Variants in MFRP observed in about 807,000 individuals in gnomAD.
MFRP encodes the protein membrane frizzled-related protein, also known as C1q and TNF related 5.
In MFRP, 74 loss-of-function variants were observed where a neutral mutation model predicts 65.8. That is an observed-to-expected ratio of 1.12 (90% CI 0.93 to 1.36). The LOEUF (loss-of-function observed/expected upper bound fraction) is 1.36, where lower values mean the gene tolerates loss of function less well. Among genes scored for constraint, MFRP ranks in the 40% most tolerant of loss-of-function variants. The pLI is 0.00. For missense variants in MFRP, 838 were observed against 736.0 expected (o/e 1.14, Z -1.60); for synonymous variants, 336 against 288.3 (o/e 1.17, Z -1.68).
chr11:119,345,512 C>A lies in MFRP; in HGVS notation c.549G>T (p.Gln183His). The A allele has an allele frequency of 2.5e-6, 4 of 1,614,104 alleles. No homozygotes were observed. The highest frequency in any genetic ancestry group is 3.4e-6 in the Non-Finnish European group (4 of 1,180,034). The part of the protein sequence containing the change: ...HIQVATDHAI[Q>H]LKIEALSIES... ...CTATGCTGAGGGCTTCGATCTTGAG[C>A]TGTATTGCATGGTCTGTGGCCACCT... The change falls in exon 5 of 15, where the codon CAG (glutamine) becomes CAT (histidine). Residue 183 changes from glutamine (Q) to histidine (H), a missense_variant. Transcript: ENST00000619721.
In MFRP at chr11:119,341,468, T is replaced by G. The variant is rs1950501589; in HGVS notation, c.*80A>C. On this transcript the variant is annotated 3_prime_UTR_variant, in exon 13 of 15. Transcript: ENST00000619721. Reference sequence around the variant, plus strand: ...GGATGGGTAGAGACCCTGCTGATGCTCCTTCCTTTGTTCCCCTGCGTGCCA... The same window carrying G: ...GGATGGGTAGAGACCCTGCTGATGCGCCTTCCTTTGTTCCCCTGCGTGCCA... 8.1e-7 allele frequency: 1 copy of G among 1,234,142 alleles called. No individual in the cohort carries two copies. 76.4% of individuals were successfully genotyped at this position (1,234,142 alleles called of 1,614,324 possible). A position where few individuals can be genotyped will look rare whatever the true frequency, so the allele number is the denominator to read the frequency against.
intron 9 of MFRP, 65 bp downstream of exon 9, chr11:119,343,751 A>G (rs1479180740): frequency 1.9e-6 from 3 of 1,600,528 alleles, no homozygotes; most frequent in East Asian, 4.5e-5. Context: ...CTGGGCCGAC[A>G]TGGAAGCCGG....
intron 5 of MFRP, 123 bp from the exon 6 acceptor site, chr11:119,345,127 G>A: frequency 1.5e-6 from 2 of 1,321,842 alleles, no homozygotes; most frequent in Non-Finnish European, 2.1e-6. Context: ...TGGTCAAAAA[G>A]GCTCCTCTGA....
intron 4 of MFRP, 25 bp from the exon 5 acceptor site, chr11:119,345,658 A>G: frequency 6.2e-7 from 1 of 1,613,126 alleles, no homozygotes; most frequent in African/African-American, 1.3e-5. Flanking sequence ...GTTAGAGTTC[A>G]GAGGTCAAAA....
In MFRP at chr11:119,341,295, G is replaced by T; in HGVS notation, c.*253C>A. On this transcript the variant is annotated 3_prime_UTR_variant, in exon 13 of 15. Coordinates refer to ENST00000619721, the MANE Select transcript of MFRP (RefSeq NM_031433.4). ...TGGAAAGGGGAAGAGGCCTGGATGG[G>T]AAGTGGTCTCGATTGTCCGGTGGCA... 1.8e-6 allele frequency: 1 copy of T among 555,248 alleles called. No homozygotes were observed. The highest frequency in any genetic ancestry group is 1.9e-5 in the African/African-American group (1 of 53,342). The allele number at this position is 555,248 out of a possible 1,614,324, so 34.4% of individuals were successfully genotyped here.
In MFRP at chr11:119,339,702, C is replaced by T; in HGVS notation, c.*1257G>A. The stretch of plus-strand genomic sequence containing the variant: ...AGCACGCGGTCGAAGGGCAAGGGTG[C>T]GTCAGACGGCGGAGGCACCCGGCTC... On this transcript the variant is annotated 3_prime_UTR_variant, in exon 15 of 15. Transcript: ENST00000619721. The surrounding 1 kb of genome is among the most constrained non-coding windows in gnomAD (Gnocchi z 5.4). The T allele has an allele frequency of 6.2e-7, 1 of 1,605,582 alleles. No homozygotes were observed.
At position 119,346,122 on chromosome 11, in the gene MFRP, G is replaced by A. The variant is rs138913508; in HGVS notation, c.195C>T (p.Phe65=). The part of the protein sequence containing the change: ...RPRGLRPDCR[F]SWLCVLLLSS... ...AGAGCAGGAGGACACAGAGCCAGGA[G>A]AAGCGGCAGTCTGGCCGTAGCCCTC... The change falls in exon 3 of 15, where the codon TTC becomes TTT. Residue 65 remains phenylalanine (F), a synonymous_variant. Coordinates refer to ENST00000619721, the MANE Select transcript of MFRP (RefSeq NM_031433.4). 1.5e-3 allele frequency: 2,460 copies of A among 1,604,918 alleles called. 5 individuals carry two copies. Among genetic ancestry groups the A allele is most frequent in the Non-Finnish European group, 1.9e-3 (2,208 of 1,175,642 alleles).
chr11:119,342,550 G>T (rs1289714951), intron 11 of MFRP, 46 bp downstream of exon 11: 1 of 1,608,944 alleles, frequency 6.2e-7, no homozygotes, highest in Non-Finnish European at 8.5e-7. Flanking sequence ...GGTTCTGTGA[G>T]GTGGGCACCC....
At chr11:119,344,457 G>C in intron 7 of MFRP, 66 bp from the exon 8 acceptor site, 2 of 1,555,518 alleles carry the variant, frequency 1.3e-6, no homozygotes, top group African/African-American at 2.7e-5. Context: ...AGGGCTGGCG[G>C]TGATTACAGA....
chr11:119,340,242 G>T lies in MFRP; in HGVS notation c.*1052C>A. 6.6e-7 allele frequency: 1 copy of T among 1,513,694 alleles called. No homozygotes were observed. 93.8% of individuals were successfully genotyped at this position (1,513,694 alleles called of 1,614,324 possible). On this transcript the variant is annotated 3_prime_UTR_variant, in exon 14 of 15. Transcript: ENST00000619721. ...CCCCGGGCGCGCCGTCGCGGCCGTCGCGGCCATCGCGGCCCGGCAAGCCCT... is the reference window on the plus strand; with the variant it reads ...CCCCGGGCGCGCCGTCGCGGCCGTCTCGGCCATCGCGGCCCGGCAAGCCCT...
At position 119,345,853 on chromosome 11, in the gene MFRP, G is replaced by C. The variant is rs1299599168; in HGVS notation, c.347C>G (p.Thr116Ser). The C allele has an allele frequency of 6.2e-7, 1 of 1,613,834 alleles. No individual in the cohort carries two copies. Residue 116 changes from threonine to serine, a missense_variant, in exon 4 of 15, where the codon ACC becomes AGC. Transcript: ENST00000619721. ...TGCCTGAGAGGTGGTGATGGTGGGGGTGGTGGTGGTCGTGGTAAGGCCTCC... is the reference window on the plus strand; with the variant it reads ...TGCCTGAGAGGTGGTGATGGTGGGGCTGGTGGTGGTCGTGGTAAGGCCTCC... ...PAGGLTTTTT[T>S]PTITTSQAAG...
chr11:119,346,266 GGT>G lies in MFRP; in HGVS notation c.157+4_157+5del. ...CCTCCCCCAGGTCACCCCCTGGGATGGTTACCATGCCAGGGAGCTGGGACGCT... is the reference window on the plus strand; with the variant it reads ...CCTCCCCCAGGTCACCCCCTGGGATGTACCATGCCAGGGAGCTGGGACGCT... On this transcript the variant is annotated splice_donor_5th_base_variant and intron_variant, in intron 2 of 14. Transcript: ENST00000619721. 2 of 1,610,280 alleles carry G rather than the reference GGT, an allele frequency of 1.2e-6. No homozygotes were observed. Among genetic ancestry groups the G allele is most frequent in the Non-Finnish European group, 1.7e-6 (2 of 1,178,100 alleles).
intron 9 of MFRP, among the ~76,000 whole-genome samples, 195 bp downstream of exon 9, chr11:119,343,621 T>G (rs1019781326): frequency 9.2e-5 from 14 of 152,130 alleles, no homozygotes; most frequent in African/African-American, 3.4e-4. Flanking sequence ...GGGAAGGACC[T>G]CCTGGGGACA....
intron 11 of MFRP, 23 bp downstream of exon 11, chr11:119,342,573 G>A: frequency 6.2e-7 from 1 of 1,612,408 alleles, no homozygotes; most frequent in East Asian, 2.2e-5. Context: ...CCTGCTCAGG[G>A]TCCCCAGGGG....
rs569214886 is a variant in MFRP at position 119,340,079 on chromosome 11, G to A, written c.*1110+105C>T. 4.4e-6 allele frequency: 6 copies of A among 1,364,284 alleles called. No individual in the cohort carries two copies. In the South Asian group the frequency reaches 4.7e-5, roughly 11 times the overall value. 84.5% of individuals were successfully genotyped at this position (1,364,284 alleles called of 1,614,324 possible). ...CGCTCAGGGCTGCAAAGCGCGGGGAGTGGCGCCCCCTGGCGGGAGACCCGA... is the reference window on the plus strand; with the variant it reads ...CGCTCAGGGCTGCAAAGCGCGGGGAATGGCGCCCCCTGGCGGGAGACCCGA... On this transcript the variant is annotated intron_variant, in intron 14 of 14. Transcript: ENST00000619721.
intron 5 of MFRP, 90 bp from the exon 6 acceptor site, chr11:119,345,094 C>G: frequency 6.6e-7 from 1 of 1,512,722 alleles, no homozygotes; most frequent in Non-Finnish European, 9.0e-7. Flanking sequence ...CCTATTTTCT[C>G]AACCCCCAAA....
rs730882142 is a variant in MFRP, at chr11:119,341,662, GCAGA to G, written c.1622_1625del (p.Val541AlafsTer188). Reference sequence around the variant, plus strand: ...ACTGGCACTGGTGCTCCGCTTCCTGGCAGACAGAGCGGCAAGGGGGCAGAACACT... The same window carrying G: ...ACTGGCACTGGTGCTCCGCTTCCTGGCAGAGCGGCAAGGGGGCAGAACACT... On this transcript the variant is annotated frameshift_variant, in exon 13 of 15. Transcript: ENST00000619721. LOFTEE classifies it high-confidence loss of function. 4.3e-6 allele frequency: 7 copies of G among 1,613,036 alleles called. No individual in the cohort carries two copies. Among genetic ancestry groups the G allele is most frequent in the South Asian group, 2.2e-5 (2 of 91,088 alleles).
chr11:119,342,872 C>T lies in MFRP; in HGVS notation c.1255+1G>A, dbSNP rs1764252651. ...CCACCCACTTGCCCAGGGGCACCTA[C>T]TCTCCGTGGCATTGAAGGCCAGGTA... On this transcript the variant is annotated splice_donor_variant, in intron 10 of 14. Transcript: ENST00000619721. LOFTEE classifies it high-confidence loss of function. 6.2e-7 allele frequency: 1 copy of T among 1,613,140 alleles called. No homozygotes were observed. The highest frequency in any genetic ancestry group is 2.2e-5 in the East Asian group (1 of 44,890).
intron 8 of MFRP, 41 bp downstream of exon 8, chr11:119,344,274 C>T (rs764079673): frequency 2.0e-5 from 32 of 1,579,578 alleles, no homozygotes; most frequent in Middle Eastern, 1.7e-4. Flanking sequence ...CAGGTGCTTC[C>T]GTGTGTGCCC....
Sources: allele counts gnomAD v4.1 joint callset (sites outside exome capture counted in the v4.1 genomes callset), GRCh38; gene constraint gnomAD v4.1.1; non-coding constraint Gnocchi (gnomAD v3.1); transcripts MANE v1.5; gene names NCBI Gene and HGNC (gene_info 2026-07-23, HGNC 2026-07-21).